ALOX5AP: variants seen among roughly 807,000 people sequenced by gnomAD.
ALOX5AP encodes arachidonate 5-lipoxygenase activating protein, also known as arachidonate 5-lipoxygenase-activating protein.
In ALOX5AP, 9 loss-of-function variants were observed where a neutral mutation model predicts 18.5. That is an observed-to-expected ratio of 0.49 (90% CI 0.29 to 0.85). The LOEUF is 0.85. ALOX5AP is among the 40% of genes least tolerant of loss of function. The pLI, the probability that ALOX5AP is intolerant of heterozygous loss-of-function variation, is 0.08. For missense variants in ALOX5AP, 172 were observed against 202.5 expected (o/e 0.85, Z 0.91); for synonymous variants, 81 against 78.6 (o/e 1.03, Z -0.16).
upstream of ALOX5AP, among the ~76,000 whole-genome samples, chr13:30,731,124 C>T (rs1951677672): frequency 6.6e-6 from 1 of 152,234 alleles, no homozygotes; most frequent in South Asian, 2.1e-4. Context: ...TGTTATTTCC[C>T]GTGAAGTGTA....
chr13:30,747,369 G>T lies in ALOX5AP; in HGVS notation c.170+3210G>T, dbSNP rs554764120. Among the ~76,000 whole-genome samples, 17 of 152,264 alleles carry T rather than the reference G, an allele frequency of 1.1e-4. No homozygotes were observed. The South Asian group carries it at 3.1e-3, about 28-fold the overall frequency. On this transcript the variant is annotated intron_variant, in intron 2 of 4. Coordinates refer to ENST00000380490, the MANE Select transcript of ALOX5AP (RefSeq NM_001629.4). ...TTTTTGTATTTTTAGTAGAGACGGGGTTTCACCATGTCAGGCTGGTCTTGA... is the reference window on the plus strand; with the variant it reads ...TTTTTGTATTTTTAGTAGAGACGGGTTTTCACCATGTCAGGCTGGTCTTGA...
intron 1 of ALOX5AP, among the ~76,000 whole-genome samples, chr13:30,728,834 T>G (rs1951658273): frequency 6.6e-6 from 1 of 152,106 alleles, no homozygotes; most frequent in African/African-American, 2.4e-5. Flanking sequence ...GGTGACAGAG[T>G]GAGAAAGCTG....
At chr13:30,715,421 G>T (rs1206442208) in intron 1 of ALOX5AP, among the ~76,000 whole-genome samples, 2 of 152,226 alleles carry the variant, frequency 1.3e-5, no homozygotes, top group African/African-American at 4.8e-5. Flanking sequence ...TGGCCAGAGT[G>T]AAGGTGGTGA....
intron 1 of ALOX5AP, among the ~76,000 whole-genome samples, chr13:30,725,083 C>T (rs1200232893): frequency 6.6e-6 from 1 of 152,180 alleles, no homozygotes; most frequent in East Asian, 1.9e-4. Flanking sequence ...AAAACCCCCT[C>T]AGTGAGCAGA....
intron 1 of ALOX5AP, among the ~76,000 whole-genome samples, chr13:30,714,996 A>G (rs1040697068): frequency 6.6e-6 from 1 of 152,074 alleles, no homozygotes; most frequent in African/African-American, 2.4e-5. Context: ...TCATTTCCTG[A>G]TAGGTCCTGA....
intron 1 of ALOX5AP, among the ~76,000 whole-genome samples, chr13:30,718,382 C>CATATATATATAT (rs59562797): frequency 4.8e-3 from 670 of 139,666 alleles, no homozygotes; most frequent in Middle Eastern, 7.6e-3. Context: ...CACAGATATG[C>CATATATATATAT]ATATATATAT....
chr13:30,714,751 A>C (rs189350238), intron 1 of ALOX5AP, among the ~76,000 whole-genome samples: 136 of 152,300 alleles, frequency 8.9e-4, no homozygotes, highest in African/African-American at 3.0e-3. Context: ...GAAGGCTACC[A>C]GTCTCTCCTA....
At chr13:30,753,467 T>C (rs1951868337) in intron 3 of ALOX5AP, among the ~76,000 whole-genome samples, 1 of 152,186 alleles carries the variant, frequency 6.6e-6, no homozygotes, top group Non-Finnish European at 1.5e-5. Context: ...TTTGAAGGTG[T>C]TTCGTAGCCC....
At chr13:30,732,185 C>T (rs1169510885), upstream of ALOX5AP, among the ~76,000 whole-genome samples, 2 of 152,198 alleles carry the variant, frequency 1.3e-5, no homozygotes, top group African/African-American at 4.8e-5. Flanking sequence ...CGGCACCTCT[C>T]GCCAGGCGCC....
chr13:30,744,235 C>T (rs1951790851), intron 2 of ALOX5AP, 76 bp downstream of exon 2: 1 of 1,277,768 alleles, frequency 7.8e-7, no homozygotes, highest in Non-Finnish European at 1.1e-6. Flanking sequence ...GATGACCACC[C>T]TTAATACCAC....
intron 1 of ALOX5AP, among the ~76,000 whole-genome samples, chr13:30,725,292 G>T (rs760005578): frequency 6.6e-6 from 1 of 152,254 alleles, no homozygotes; most frequent in Admixed American, 6.5e-5. Context: ...CACAAAACAT[G>T]AGAATATGTA....
intron 1 of ALOX5AP, among the ~76,000 whole-genome samples, chr13:30,716,336 A>T (rs9604617): frequency 0.18 from 26,856 of 152,058 alleles, 3,474 homozygotes; most frequent in African/African-American, 0.36. Flanking sequence ...AAAAACTCCC[A>T]AGGGGATTTT....
chr13:30,740,963 A>C (rs1951758033), intron 1 of ALOX5AP, among the ~76,000 whole-genome samples: 1 of 152,142 alleles, frequency 6.6e-6, no homozygotes, highest in Non-Finnish European at 1.5e-5. Context: ...ATAACCTCTG[A>C]CTTTTAATAA....
At chr13:30,745,813 A>C (rs1237655520) in intron 2 of ALOX5AP, among the ~76,000 whole-genome samples, 1 of 152,186 alleles carries the variant, frequency 6.6e-6, no homozygotes, top group Non-Finnish European at 1.5e-5. Context: ...GCAAGGTCAA[A>C]ACTTCTCCCC....
intron 1 of ALOX5AP, among the ~76,000 whole-genome samples, chr13:30,715,691 C>T (rs534461484): frequency 6.6e-6 from 1 of 152,306 alleles, no homozygotes; most frequent in Non-Finnish European, 1.5e-5. Flanking sequence ...CGGTCTTTCC[C>T]ATGAGGATAT....
upstream of ALOX5AP, among the ~76,000 whole-genome samples, chr13:30,732,231 C>T (rs1469439518): frequency 6.6e-6 from 1 of 152,176 alleles, no homozygotes; most frequent in African/African-American, 2.4e-5. Context: ...CTGGACTTTT[C>T]TCCCATGTGT....
At chr13:30,729,331 A>G (rs1951662697) in intron 1 of ALOX5AP, among the ~76,000 whole-genome samples, 2 of 152,158 alleles carry the variant, frequency 1.3e-5, no homozygotes, top group African/African-American at 4.8e-5. Context: ...GGAAGGGTCA[A>G]GGTTCATTTT....
Position 30,764,026 on chromosome 13 carries a change from A to G in ALOX5AP, c.406A>G (p.Ile136Val). The change falls in exon 5 of 5, where the codon ATC becomes GTC. Residue 136 changes from isoleucine to valine, a missense_variant. Coordinates refer to ENST00000380490, the MANE Select transcript of ALOX5AP (RefSeq NM_001629.4). ...SVAGIFNYYL[I>V]FFFGSDFENY... ...TGCTGGCATATTCAACTATTACCTC[A>G]TCTTCTTTTTCGGAAGTGACTTTGA... 1 of 1,614,036 alleles carries G rather than the reference A, an allele frequency of 6.2e-7. No individual in the cohort carries two copies. The highest frequency in any genetic ancestry group is 8.5e-7 in the Non-Finnish European group (1 of 1,179,984).
intron 1 of ALOX5AP, among the ~76,000 whole-genome samples, chr13:30,720,598 T>C (rs1951586275): frequency 6.6e-6 from 1 of 152,240 alleles, no homozygotes; most frequent in Admixed American, 6.5e-5. Flanking sequence ...ACATCCTGTG[T>C]TAGTTATGAA....
Sources: allele counts gnomAD v4.1 joint callset (sites outside exome capture counted in the v4.1 genomes callset), GRCh38; gene constraint gnomAD v4.1.1; transcripts MANE v1.5; gene names NCBI Gene and HGNC (gene_info 2026-07-23, HGNC 2026-07-21).